GAREM1: variants seen among roughly 807,000 people sequenced by gnomAD.
GAREM1 encodes GRB2 associated regulator of MAPK1 subtype 1, also known as GRB2-associated and regulator of MAPK protein 1.
A neutral mutation model predicts 71.3 loss-of-function variants in GAREM1; 26 were observed. The ratio of observed to expected loss-of-function variants is 0.36; its 90% CI spans 0.27 to 0.51. The LOEUF (loss-of-function observed/expected upper bound fraction) is 0.51. Among genes scored for constraint, GAREM1 ranks in the 20% least tolerant of loss-of-function variants. The pLI, the probability that GAREM1 is intolerant of heterozygous loss-of-function variation, is 0.95. For missense variants in GAREM1, 1,026 were observed against 1,103.1 expected, an observed-to-expected ratio of 0.93 and a Z score of 0.99; for synonymous variants, 440 against 433.2, an observed-to-expected ratio of 1.02 and a Z score of -0.20.
At chr18:32,410,240 T>C (rs1158475317) in intron 1 of GAREM1, among the ~76,000 whole-genome samples, 1 of 152,212 alleles carries the variant, frequency 6.6e-6, no homozygotes, top group African/African-American at 2.4e-5. Context: ...TCCAGTAACT[T>C]AAATGTATTT....
rs200916386 is a variant in GAREM1 at position 32,267,496 on chromosome 18, A to AGT, written c.*373_*374dup. The AGT allele has an allele frequency of 7.0e-3, 973 of 138,106 alleles. 9 individuals carry two copies. Among genetic ancestry groups the AGT allele is most frequent in the African/African-American group, 0.032 (916 of 28,900 alleles). The allele number at this position is 138,106 out of a possible 1,614,324, so 8.6% of individuals were successfully genotyped here. The stretch of plus-strand genomic sequence containing the variant: ...TCCTGAAAGAAGGGACTTGTTCAAA[A>AGT]GTGTTTTTTTTTTTTTTTTAAAGAT... On this transcript the variant is annotated 3_prime_UTR_variant, in exon 6 of 6. Coordinates refer to ENST00000269209, the MANE Select transcript of GAREM1 (RefSeq NM_001242409.2).
intron 2 of GAREM1, among the ~76,000 whole-genome samples, chr18:32,329,630 C>T (rs113003712): frequency 0.033 from 4,963 of 148,238 alleles, 271 homozygotes; most frequent in African/African-American, 0.12. Flanking sequence ...CACTTGAACC[C>T]AGGAGGCGGA....
At chr18:32,294,087 C>T (rs1381456665) in intron 3 of GAREM1, among the ~76,000 whole-genome samples, 2 of 152,138 alleles carry the variant, frequency 1.3e-5, no homozygotes, top group Non-Finnish European at 2.9e-5. Context: ...ATAAAGTACA[C>T]TTTTGGGACA....
At chr18:32,461,378 G>A (rs1279181989) in intron 1 of GAREM1, among the ~76,000 whole-genome samples, 1 of 152,114 alleles carries the variant, frequency 6.6e-6, no homozygotes, top group Non-Finnish European at 1.5e-5. Context: ...TGGTAGGGGA[G>A]GCTTTTCATG....
chr18:32,432,982 A>T (rs1006600220), intron 1 of GAREM1, among the ~76,000 whole-genome samples: 1 of 152,122 alleles, frequency 6.6e-6, no homozygotes, highest in African/African-American at 2.4e-5. Context: ...AGACAAAAAG[A>T]GTACAGGAAA....
chr18:32,370,440 C>T (rs1282085228), intron 2 of GAREM1, among the ~76,000 whole-genome samples: 4 of 148,400 alleles, frequency 2.7e-5, no homozygotes, highest in Admixed American at 6.7e-5. Context: ...AAAAAAAAAG[C>T]GTAAGGTGAA....
At position 32,431,882 on chromosome 18, in the gene GAREM1, A is replaced by G. The variant is rs150831331; in HGVS notation, c.121+38426T>C. On this transcript the variant is annotated intron_variant, in intron 1 of 5. Transcript: ENST00000269209. ...TGTTGATTTTTCATCAAAAATCAAA[A>G]ATCATGGAGGTCAAAAGGAACTGGA... Among the ~76,000 whole-genome samples, 531 of 152,284 alleles carry G rather than the reference A, an allele frequency of 3.5e-3. 4 individuals carry two copies. Among genetic ancestry groups the G allele is most frequent in the African/African-American group, 0.012 (509 of 41,558 alleles).
chr18:32,310,352 T>C (rs372145386), intron 2 of GAREM1, 29 bp from the exon 3 acceptor site: 50 of 1,612,904 alleles, frequency 3.1e-5, no homozygotes, highest in South Asian at 1.3e-4. Flanking sequence ...AGAAGAGATC[T>C]AAGATGTTTA....
chr18:32,458,023 C>A (rs1464155013), intron 1 of GAREM1, among the ~76,000 whole-genome samples: 1 of 152,080 alleles, frequency 6.6e-6, no homozygotes, highest in Non-Finnish European at 1.5e-5. Context: ...TGGAAGTGAT[C>A]TGTGAATTTC....
intron 4 of GAREM1, among the ~76,000 whole-genome samples, chr18:32,276,319 C>T (rs2041542111): frequency 6.6e-6 from 1 of 152,226 alleles, no homozygotes; most frequent in East Asian, 1.9e-4. Flanking sequence ...GTCTGAACAA[C>T]ATGGCTATCA....
intron 2 of GAREM1, among the ~76,000 whole-genome samples, chr18:32,390,905 T>C (rs1442378170): frequency 3.9e-5 from 6 of 152,216 alleles, no homozygotes; most frequent in Non-Finnish European, 8.8e-5. Flanking sequence ...TTTAAAGTTC[T>C]CCAGGTGAAT....
At chr18:32,339,700 G>A (rs655673) in intron 2 of GAREM1, among the ~76,000 whole-genome samples, 152,135 of 152,360 alleles carry the variant, frequency 1, 75,955 homozygotes, top group Middle Eastern at 1. Flanking sequence ...ATCTAATTTC[G>A]TAGTATTCTC....
chr18:32,287,453 A>G lies in GAREM1; in HGVS notation c.1144T>C (p.Ser382Pro). 1 of 1,614,146 alleles carries G rather than the reference A, an allele frequency of 6.2e-7. No homozygotes were observed. The highest frequency in any genetic ancestry group is 8.5e-7 in the Non-Finnish European group (1 of 1,179,994). The stretch of plus-strand genomic sequence containing the variant: ...ACACAGACCGAGAGTCGGTGGAAGG[A>G]CTGGGTGAGCTCATCGCGGGCGTAG... ...LSYARDELTQ[S>P]FHRLSVCVYG... Residue 382 changes from serine (S) to proline (P), a missense_variant, in exon 4 of 6, where the codon TCC (serine) becomes CCC (proline). Ser to Pro is a moderately conservative substitution (Grantham distance 74). Transcript: ENST00000269209. The surrounding 1 kb of genome is among the most constrained non-coding windows in gnomAD (Gnocchi z 5.9).
chr18:32,300,467 G>A (rs993241341), intron 3 of GAREM1, among the ~76,000 whole-genome samples: 5 of 152,186 alleles, frequency 3.3e-5, no homozygotes, highest in Admixed American at 3.3e-4. Context: ...GATGGCCCAT[G>A]TATGCAGAGC....
chr18:32,330,203 C>T (rs1267451765), intron 2 of GAREM1, among the ~76,000 whole-genome samples: 1 of 152,146 alleles, frequency 6.6e-6, no homozygotes, highest in African/African-American at 2.4e-5. Flanking sequence ...ATGTCTTTTG[C>T]AGCAACAAGG....
At chr18:32,285,941 C>CT (rs1336862408) in intron 4 of GAREM1, among the ~76,000 whole-genome samples, 2 of 152,188 alleles carry the variant, frequency 1.3e-5, no homozygotes, top group Non-Finnish European at 2.9e-5. Context: ...AGGAAGACCC[C>CT]TTCCCCACAA....
At position 32,365,185 on chromosome 18, in the gene GAREM1, AC is replaced by A. The variant is rs537060671; in HGVS notation, c.262+27709del. Among the ~76,000 whole-genome samples the A allele has an allele frequency of 1.1e-4, 16 of 152,354 alleles. No homozygotes were observed. The East Asian group carries it at 2.9e-3, about 28-fold the overall frequency. On this transcript the variant is annotated intron_variant, in intron 2 of 5. Coordinates refer to ENST00000269209, the MANE Select transcript of GAREM1 (RefSeq NM_001242409.2). ...GCTTCACAAAGAACACTGGTTCAGAACAATAATTTAAAATATAACCAGAACC... is the reference window on the plus strand; with the variant it reads ...GCTTCACAAAGAACACTGGTTCAGAAAATAATTTAAAATATAACCAGAACC...
chr18:32,457,210 A>T (rs796535784), intron 1 of GAREM1, among the ~76,000 whole-genome samples: 1 of 90,542 alleles, frequency 1.1e-5, no homozygotes, highest in African/African-American at 5.3e-5. Context: ...AGGGGGGGAG[A>T]GAGAGAGAGA....
At chr18:32,456,768 T>C (rs1239451709) in intron 1 of GAREM1, among the ~76,000 whole-genome samples, 1 of 152,124 alleles carries the variant, frequency 6.6e-6, no homozygotes, top group African/African-American at 2.4e-5. Flanking sequence ...TAGTGAAGTA[T>C]AATTCACAGA....
Sources: allele counts gnomAD v4.1 joint callset (sites outside exome capture counted in the v4.1 genomes callset), GRCh38; gene constraint gnomAD v4.1.1; non-coding constraint Gnocchi (gnomAD v3.1); transcripts MANE v1.5; gene names NCBI Gene and HGNC (gene_info 2026-07-23, HGNC 2026-07-21).